Variants in FAM135B observed in about 807,000 individuals in gnomAD.
FAM135B encodes family with sequence similarity 135 member B.
Under a neutral mutation model 127.7 loss-of-function variants are expected in FAM135B, and 43 were observed. The observed-to-expected ratio is 0.34, with a 90% CI of 0.26 to 0.43. The LOEUF is 0.43. Among genes scored for constraint, FAM135B ranks in the 20% least tolerant of loss-of-function variants. The pLI is 1.00. For missense variants in FAM135B, 1,558 were observed against 1,725.6 expected, an observed-to-expected ratio of 0.90 and a Z score of 1.72; for synonymous variants, 670 against 665.1, an observed-to-expected ratio of 1.01 and a Z score of -0.11.
chr8:138,364,005 G>A (rs193083679), intron 2 of FAM135B, among the ~76,000 whole-genome samples: 6 of 151,892 alleles, frequency 4.0e-5, no homozygotes, highest in East Asian at 1.9e-4. Flanking sequence ...ACACATCCTC[G>A]CACCCCAAAA....
chr8:138,331,646 T>C (rs1828188315), intron 2 of FAM135B, among the ~76,000 whole-genome samples: 1 of 152,180 alleles, frequency 6.6e-6, no homozygotes, highest in South Asian at 2.1e-4. Flanking sequence ...CCTCACCTGA[T>C]GACTAATTAG....
In FAM135B at chr8:138,177,352, C is replaced by G. The variant is rs2130964730; in HGVS notation, c.1098G>C (p.Glu366Asp). The G allele has an allele frequency of 6.2e-7, 1 of 1,613,552 alleles. No homozygotes were observed. The highest frequency in any genetic ancestry group is 1.1e-5 in the South Asian group (1 of 90,944). Residue 366 changes from glutamate (E) to aspartate (D), a missense_variant, in exon 11 of 20, where the codon GAG becomes GAC. Glu to Asp is a conservative substitution (Grantham distance 45). Transcript: ENST00000395297. ...GGCATGCAATGGATACTTACAGATTCTCCTGAAATGTCAGGACTGCAAGTT... is the reference window on the plus strand; with the variant it reads ...GGCATGCAATGGATACTTACAGATTGTCCTGAAATGTCAGGACTGCAAGTT... The part of the protein sequence containing the change: ...HQKLAVLTFQ[E>D]NLIQTHSQLS...
chr8:138,489,144 G>A (rs891502123), intron 1 of FAM135B, among the ~76,000 whole-genome samples: 1 of 152,124 alleles, frequency 6.6e-6, no homozygotes, highest in East Asian at 1.9e-4. Context: ...TTCTGAGTTT[G>A]ATTGATATTG....
At chr8:138,280,088 G>C (rs1480788060) in intron 3 of FAM135B, among the ~76,000 whole-genome samples, 1 of 152,036 alleles carries the variant, frequency 6.6e-6, no homozygotes, top group Non-Finnish European at 1.5e-5. Context: ...TCCAACCAAG[G>C]ACCAGCAGTG....
At chr8:138,298,383 C>G (rs1213897774) in intron 3 of FAM135B, among the ~76,000 whole-genome samples, 1 of 152,174 alleles carries the variant, frequency 6.6e-6, no homozygotes, top group African/African-American at 2.4e-5. Context: ...AAGAATTCCT[C>G]TCTCAGAAGG....
intron 1 of FAM135B, among the ~76,000 whole-genome samples, chr8:138,386,668 G>T (rs1055855693): frequency 9.2e-5 from 14 of 152,178 alleles, no homozygotes; most frequent in Non-Finnish European, 1.6e-4. Context: ...TTTTTGGCAT[G>T]AATTAATCAT....
chr8:138,198,680 C>T (rs956369121), intron 7 of FAM135B, among the ~76,000 whole-genome samples: 6 of 152,184 alleles, frequency 3.9e-5, no homozygotes, highest in African/African-American at 1.4e-4. Flanking sequence ...TAAACTGGTA[C>T]AATTACAAAG....
intron 3 of FAM135B, among the ~76,000 whole-genome samples, chr8:138,269,755 T>A (rs1000778364): frequency 6.6e-6 from 1 of 152,198 alleles, no homozygotes; most frequent in Non-Finnish European, 1.5e-5. Flanking sequence ...GAATCATGCC[T>A]TACTTAATTT....
chr8:138,349,269 G>A (rs960849642), intron 2 of FAM135B, among the ~76,000 whole-genome samples: 15 of 152,208 alleles, frequency 9.9e-5, no homozygotes, highest in Admixed American at 9.2e-4. Context: ...CAGAACATGT[G>A]TTTTGGAAGG....
intron 9 of FAM135B, among the ~76,000 whole-genome samples, chr8:138,184,192 C>T (rs1815342041): frequency 6.6e-6 from 1 of 152,144 alleles, no homozygotes; most frequent in Non-Finnish European, 1.5e-5. Context: ...CCATAGCTTG[C>T]AGAAAGATAC....
At chr8:138,256,536 C>T (rs1346981852) in intron 5 of FAM135B, among the ~76,000 whole-genome samples, 153 bp downstream of exon 5, 1 of 152,172 alleles carries the variant, frequency 6.6e-6, no homozygotes, top group Non-Finnish European at 1.5e-5. Flanking sequence ...ACTTTCTTAG[C>T]CCGCACCCCT....
intron 1 of FAM135B, among the ~76,000 whole-genome samples, chr8:138,479,931 T>A (rs1814708531): frequency 6.6e-6 from 1 of 152,154 alleles, no homozygotes; most frequent in African/African-American, 2.4e-5. Flanking sequence ...TCCTGATGTT[T>A]ATCCCCCAAG....
chr8:138,367,541 A>G, intron 2 of FAM135B: 1 of 448,032 alleles, frequency 2.2e-6, no homozygotes, highest in African/African-American at 2.0e-5. Flanking sequence ...CTGCATCAGC[A>G]TCAGTATTGA....
chr8:138,349,331 T>G (rs915348518), intron 2 of FAM135B, among the ~76,000 whole-genome samples: 2 of 152,292 alleles, frequency 1.3e-5, no homozygotes, highest in African/African-American at 2.4e-5. Flanking sequence ...GAGACAGACT[T>G]GGAACAGGAT....
At chr8:138,353,402 C>T (rs1247294189) in intron 2 of FAM135B, among the ~76,000 whole-genome samples, 2 of 152,078 alleles carry the variant, frequency 1.3e-5, no homozygotes, top group Non-Finnish European at 2.9e-5. Flanking sequence ...CCCTTGATTC[C>T]TCTGCAACAT....
intron 1 of FAM135B, among the ~76,000 whole-genome samples, chr8:138,425,970 T>C (rs1834823317): frequency 1.6e-4 from 1 of 6,380 alleles, no homozygotes; most frequent in South Asian, 1.8e-3. Flanking sequence ...CCAACATATA[T>C]ATATATATAT....
chr8:138,479,062 C>T (rs191569861), intron 1 of FAM135B, among the ~76,000 whole-genome samples: 6 of 152,274 alleles, frequency 3.9e-5, no homozygotes, highest in Admixed American at 6.5e-5. Flanking sequence ...AAAACATCTA[C>T]TTACATGTAT....
At chr8:138,226,700 T>A (rs1819480843) in intron 7 of FAM135B, among the ~76,000 whole-genome samples, 1 of 152,184 alleles carries the variant, frequency 6.6e-6, no homozygotes, top group Non-Finnish European at 1.5e-5. Context: ...TAGCTGGGAT[T>A]ACAGGCATGC....
intron 9 of FAM135B, among the ~76,000 whole-genome samples, chr8:138,187,118 C>G (rs915208824): frequency 1.3e-5 from 2 of 152,138 alleles, no homozygotes; most frequent in African/African-American, 4.8e-5. Flanking sequence ...TGCAGTTAAC[C>G]TTAATCATCA....
Sources: allele counts gnomAD v4.1 joint callset (sites outside exome capture counted in the v4.1 genomes callset), GRCh38; gene constraint gnomAD v4.1.1; transcripts MANE v1.5; gene names NCBI Gene and HGNC (gene_info 2026-07-23, HGNC 2026-07-21).